TMEM178B: variants seen among roughly 807,000 people sequenced by gnomAD.
TMEM178B encodes the protein transmembrane protein 178B.
A neutral mutation model predicts 31.0 loss-of-function variants in TMEM178B; 5 were observed. The ratio of observed to expected loss-of-function variants is 0.16; its 90% CI spans 0.08 to 0.34. TMEM178B has a LOEUF of 0.34. Among genes scored for constraint, TMEM178B ranks in the 10% least tolerant of loss-of-function variants. TMEM178B has a pLI of 1.00. For missense variants in TMEM178B, 275 were observed against 400.3 expected, an observed-to-expected ratio of 0.69 and a Z score of 2.67; for synonymous variants, 164 against 164.0, an observed-to-expected ratio of 1.00 and a Z score of 0.00.
At chr7:141,129,853 C>G (rs1056861761) in intron 1 of TMEM178B, among the ~76,000 whole-genome samples, 2 of 151,970 alleles carry the variant, frequency 1.3e-5, no homozygotes, top group Non-Finnish European at 2.9e-5. Context: ...GGGTGAGGGG[C>G]GGGGCTGCAC....
At chr7:141,214,211 G>A (rs1161404180) in intron 2 of TMEM178B, among the ~76,000 whole-genome samples, 1 of 152,210 alleles carries the variant, frequency 6.6e-6, no homozygotes, top group African/African-American at 2.4e-5. Context: ...AGATTGATAA[G>A]TCCTGTGGAT....
At chr7:141,498,532 C>T in the TMEM178B span, among the ~76,000 whole-genome samples, 2 of 152,190 alleles carry the variant, frequency 1.3e-5, no homozygotes, top group South Asian at 4.1e-4. Flanking sequence ...AGAAGAATAC[C>T]AAGATGTATA....
chr7:141,235,789 G>C (rs150241815), intron 2 of TMEM178B, among the ~76,000 whole-genome samples: 29 of 152,116 alleles, frequency 1.9e-4, no homozygotes, highest in African/African-American at 7.0e-4. Context: ...ATTATTGACC[G>C]AGCCCTAAGA....
intron 1 of TMEM178B, among the ~76,000 whole-genome samples, chr7:141,211,029 T>A (rs1172966085): frequency 6.6e-6 from 1 of 152,010 alleles, no homozygotes; most frequent in East Asian, 1.9e-4. Flanking sequence ...TTATGGAAAT[T>A]AGAGCGTGTG....
At chr7:141,363,578 C>G (rs976235336) in intron 2 of TMEM178B, among the ~76,000 whole-genome samples, 1 of 152,210 alleles carries the variant, frequency 6.6e-6, no homozygotes. Context: ...TATTTCTGCT[C>G]TCTGAGGCTG....
At chr7:141,079,214 GA>G (rs1794645575) in intron 1 of TMEM178B, among the ~76,000 whole-genome samples, 1 of 152,218 alleles carries the variant, frequency 6.6e-6, no homozygotes, top group Non-Finnish European at 1.5e-5. Context: ...TTGAACCTAG[GA>G]GGTAGAGGTT....
chr7:141,159,242 C>G (rs1050676507), intron 1 of TMEM178B, among the ~76,000 whole-genome samples: 2 of 152,230 alleles, frequency 1.3e-5, no homozygotes, highest in South Asian at 4.2e-4. Context: ...CACTCTTGCT[C>G]CCACAATCTA....
At chr7:141,368,896 T>A (rs1371107219) in intron 2 of TMEM178B, among the ~76,000 whole-genome samples, 1 of 152,212 alleles carries the variant, frequency 6.6e-6, no homozygotes, top group African/African-American at 2.4e-5. Context: ...CTCCCTTACA[T>A]CTGAGTCTGA....
chr7:141,327,642 T>C (rs892717337), intron 2 of TMEM178B, among the ~76,000 whole-genome samples: 1 of 152,198 alleles, frequency 6.6e-6, no homozygotes, highest in Non-Finnish European at 1.5e-5. Context: ...GTTTATGTGT[T>C]GGAAACTTGA....
In TMEM178B at chr7:141,477,080, C is replaced by T. The variant is rs1802385703; in HGVS notation, c.*6294C>T. ...CCTCTCCAGAACCCCATTCCTCCCA[C>T]TGGCTGAGCTTTTCCTTTCCTTTCC... On this transcript the variant is annotated 3_prime_UTR_variant, in exon 4 of 4. Coordinates refer to ENST00000565468, the MANE Select transcript of TMEM178B (RefSeq NM_001195278.2). 6.4e-6 allele frequency: 1 copy of T among 155,070 alleles called. No individual in the cohort carries two copies. The allele number at this position is 155,070 out of a possible 1,614,324, so 9.6% of individuals were successfully genotyped here.
intron 1 of TMEM178B, among the ~76,000 whole-genome samples, chr7:141,085,306 T>C (rs939327244): frequency 5.9e-5 from 9 of 151,974 alleles, no homozygotes; most frequent in Non-Finnish European, 1.2e-4. Context: ...CTATTTTTTG[T>C]AAATTTGTAT....
chr7:141,159,995 T>C (rs1173843568), intron 1 of TMEM178B, among the ~76,000 whole-genome samples: 1 of 148,166 alleles, frequency 6.7e-6, no homozygotes, highest in Non-Finnish European at 1.5e-5. Flanking sequence ...ATTTTATATA[T>C]ATATATAATT....
At chr7:141,129,853 C>T (rs1056861761) in intron 1 of TMEM178B, among the ~76,000 whole-genome samples, 2 of 151,970 alleles carry the variant, frequency 1.3e-5, no homozygotes, top group East Asian at 1.9e-4. Flanking sequence ...GGGTGAGGGG[C>T]GGGGCTGCAC....
intron 2 of TMEM178B, among the ~76,000 whole-genome samples, chr7:141,228,071 T>C (rs1297254048): frequency 6.6e-6 from 1 of 152,056 alleles, no homozygotes; most frequent in Non-Finnish European, 1.5e-5. Flanking sequence ...CACACACATA[T>C]CACATTCAAA....
chr7:141,086,973 C>T (rs1163857397), intron 1 of TMEM178B, among the ~76,000 whole-genome samples: 1 of 152,078 alleles, frequency 6.6e-6, no homozygotes, highest in East Asian at 1.9e-4. Flanking sequence ...CAGGTGTGAG[C>T]CACCGCATCT....
chr7:141,186,974 G>T (rs1796619281), intron 1 of TMEM178B, among the ~76,000 whole-genome samples: 1 of 151,858 alleles, frequency 6.6e-6, no homozygotes, highest in South Asian at 2.1e-4. Flanking sequence ...AAGTTCTAGG[G>T]TACATGTGCA....
intron 2 of TMEM178B, among the ~76,000 whole-genome samples, chr7:141,266,326 G>T (rs909159579): frequency 2.0e-5 from 3 of 152,118 alleles, no homozygotes; most frequent in Non-Finnish European, 4.4e-5. Flanking sequence ...CATGCCTGAG[G>T]TTGGACACCT....
At chr7:141,418,365 T>C (rs1348341350) in intron 2 of TMEM178B, among the ~76,000 whole-genome samples, 1 of 152,104 alleles carries the variant, frequency 6.6e-6, no homozygotes, top group Non-Finnish European at 1.5e-5. Context: ...ACAGGGGACC[T>C]CTTCTAGTTA....
Position 141,479,301 on chromosome 7 carries a change from C to A in TMEM178B, c.*8515C>A, listed in dbSNP as rs1285582208. The A allele has an allele frequency of 1.3e-5, 2 of 152,164 alleles. No individual in the cohort carries two copies. Among genetic ancestry groups the A allele is most frequent in the Non-Finnish European group, 2.9e-5 (2 of 68,028 alleles). The allele number at this position is 152,164 out of a possible 1,614,324, so 9.4% of individuals were successfully genotyped here. A position where few individuals can be genotyped will look rare whatever the true frequency, so the allele number is the denominator to read the frequency against. On this transcript the variant is annotated 3_prime_UTR_variant, in exon 4 of 4. Transcript: ENST00000565468. ...CAATATTTGGAGCTGTTTTCTGAAT[C>A]CCTTAATTTTCTTAAATATTTATCT...
Sources: gnomAD v4.1 joint callset for allele counts (sites outside exome capture counted in the v4.1 genomes callset) on GRCh38, gnomAD v4.1.1 for gene constraint, MANE v1.5 for transcripts, NCBI Gene and HGNC (gene_info 2026-07-23, HGNC 2026-07-21) for gene names.